Variants in HELZ2 observed in about 807,000 individuals in gnomAD.
HELZ2 encodes the protein 3'-5' exoribonuclease HELZ2.
Under a neutral mutation model 208.8 loss-of-function variants are expected in HELZ2, and 143 were observed. The observed-to-expected ratio is 0.68, with a 90% confidence interval of 0.60 to 0.79. HELZ2 has a LOEUF of 0.79. Ranked by LOEUF, HELZ2 falls within the 30% of genes least tolerant of loss-of-function variation. HELZ2 has a pLI of 0.00. For missense variants in HELZ2, 3,690 were observed against 3,794.5 expected, an observed-to-expected ratio of 0.97 and a Z score of 0.72; for synonymous variants, 1,705 against 1,693.7, an observed-to-expected ratio of 1.01 and a Z score of -0.16.
exon 6 of HELZ2, chr20:63,567,251 G>C (rs1430518207): frequency 6.2e-7 from 1 of 1,608,604 alleles, no homozygotes; most frequent in Admixed American, 1.7e-5. Context: ...ACACTGAACA[G>C]CCGGGGTGTG....
exon 8 of HELZ2, chr20:63,565,652 G>A: frequency 6.2e-7 from 1 of 1,610,420 alleles, no homozygotes; most frequent in South Asian, 1.1e-5. Flanking sequence ...GTCAGCCTCT[G>A]CATCCTCAGC....
chr20:63,562,164 ATGT>A, exon 10 of HELZ2: 2 of 1,593,188 alleles, frequency 1.3e-6, no homozygotes, highest in Non-Finnish European at 8.6e-7. Flanking sequence ...GCCTCCGGGG[ATGT>A]TGTAGGTCTG....
exon 17 of HELZ2, chr20:63,560,211 G>A (rs946086545): frequency 1.3e-6 from 2 of 1,554,368 alleles, no homozygotes; most frequent in Non-Finnish European, 1.7e-6. Context: ...CCCCGGCGAT[G>A]CCCTCTCGCC....
At chr20:63,568,411 C>T in exon 5 of HELZ2, 2 of 1,609,608 alleles carry the variant, frequency 1.2e-6, no homozygotes, top group Non-Finnish European at 1.7e-6. Flanking sequence ...GGATGACCTC[C>T]AGGGAGGCCA....
chr20:63,572,081 C>G (rs755838025), intron 1 of HELZ2, 27 bp downstream of exon 2: 1 of 1,582,222 alleles, frequency 6.3e-7, no homozygotes, highest in Non-Finnish European at 8.6e-7. Flanking sequence ...CTGCCCTACT[C>G]CAAGCTCCTG....
At chr20:63,561,269 T>C in exon 14 of HELZ2, 2 of 1,612,650 alleles carry the variant, frequency 1.2e-6, no homozygotes, top group Non-Finnish European at 1.7e-6. Flanking sequence ...CAAGACCTTC[T>C]TGTACCTGCC....
At chr20:63,559,335 G>T (rs201141635) in exon 19 of HELZ2, 2 of 1,602,642 alleles carry the variant, frequency 1.2e-6, no homozygotes, top group South Asian at 1.1e-5. Flanking sequence ...AGGAGGCTAC[G>T]CCAGAGGGGG....
exon 8 of HELZ2, chr20:63,566,057 C>T: frequency 1.3e-6 from 2 of 1,589,092 alleles, no homozygotes; most frequent in Non-Finnish European, 8.5e-7. Flanking sequence ...GCCGCAGGCC[C>T]CGAAGGAGCA....
At chr20:63,570,862 G>A (rs2083009809) in exon 2 of HELZ2, 1 of 1,589,720 alleles carries the variant, frequency 6.3e-7, no homozygotes, top group Non-Finnish European at 8.6e-7. Context: ...ACTCACAGAG[G>A]TCAGGCCTGG....
At chr20:63,570,464 C>T (rs1478514593) in intron 3 of HELZ2, 40 bp downstream of exon 4, 32 of 1,561,196 alleles carry the variant, frequency 2.0e-5, no homozygotes, top group African/African-American at 4.1e-5. Flanking sequence ...ACCACTTCCC[C>T]AGGGCTCCCT....
chr20:63,574,003 C>T (rs1437257196), upstream of HELZ2, among the ~76,000 whole-genome samples: 2 of 152,188 alleles, frequency 1.3e-5, no homozygotes, highest in Admixed American at 1.3e-4. Context: ...CCTGGACGGG[C>T]TGCACTGCCC....
rs1249146932 is a variant in HELZ2 at position 63,570,179 on chromosome 20, C to T, written c.570+325G>A. 3 of 488,478 alleles carry T rather than the reference C, an allele frequency of 6.1e-6. No homozygotes were observed. The Admixed American group carries it at 7.0e-5, about 11-fold the overall frequency. The allele number at this position is 488,478 out of a possible 1,614,324, so 30.3% of individuals were successfully genotyped here. ...TTCACCCTATTGGCCAGGCTGATCT[C>T]GAACTCCCGACCTCAGGTGATCCAC... On this transcript the variant is annotated intron_variant, in intron 3 of 18. Transcript: ENST00000467148.
At chr20:63,565,267 C>T (rs1335648694) in exon 8 of HELZ2, 2 of 1,605,534 alleles carry the variant, frequency 1.2e-6, no homozygotes. Context: ...CCCGAAGCCG[C>T]CCCTCGGGCG....
chr20:63,563,761 G>T, exon 8 of HELZ2: 5 of 1,602,618 alleles, frequency 3.1e-6, no homozygotes, highest in Non-Finnish European at 4.2e-6. Context: ...GCGCCAGCAG[G>T]ATCTGCCGCT....
At chr20:63,568,107 T>C (rs2146020044) in intron 5 of HELZ2, 3 of 573,316 alleles carry the variant, frequency 5.2e-6, no homozygotes, top group East Asian at 5.9e-5. Context: ...GGGTGGGCCA[T>C]GCTGCAGCCT....
In HELZ2 at chr20:63,566,455, T is replaced by C; in HGVS notation, c.2515-2A>G. The C allele has an allele frequency of 6.5e-7, 1 of 1,547,996 alleles. No individual in the cohort carries two copies. Among genetic ancestry groups the C allele is most frequent in the Non-Finnish European group, 8.7e-7 (1 of 1,146,610 alleles). On this transcript the variant is annotated splice_acceptor_variant, in intron 6 of 18. Transcript: ENST00000467148. LOFTEE classifies it high-confidence loss of function. ...CAGCTCCTGCCTCAGTGCACTGACC[T>C]GAAGACGCAGCAGGGCCGGGGATGA... is the stretch of plus-strand genomic sequence containing the variant.
intron 5 of HELZ2, 158 bp downstream of exon 6, chr20:63,568,200 G>C: frequency 1.5e-6 from 1 of 647,614 alleles, no homozygotes; most frequent in South Asian, 1.9e-5. Context: ...CACCCTCGGT[G>C]CCCTGAGCTG....
exon 8 of HELZ2, chr20:63,564,293 G>A (rs374225684): frequency 3.9e-5 from 63 of 1,607,728 alleles, no homozygotes; most frequent in East Asian, 8.9e-5. Flanking sequence ...GTCCTCGTCC[G>A]GCTGCTCATA....
rs1483009474 is a variant in HELZ2 at position 63,568,330 on chromosome 20, G to A, written c.1730+28C>T. 9 of 1,552,494 alleles carry A rather than the reference G, an allele frequency of 5.8e-6. No individual in the cohort carries two copies. The South Asian group carries it at 1.0e-4, about 17-fold the overall frequency. The stretch of plus-strand genomic sequence containing the variant: ...TAGACTTGGGCCGGGCGTCAGGTGA[G>A]GTGGGGGCAGGCCAGGCTCGGGCTT... On this transcript the variant is annotated intron_variant, in intron 5 of 18. Transcript: ENST00000467148.
Sources: gnomAD v4.1 joint callset for allele counts (sites outside exome capture counted in the v4.1 genomes callset) on GRCh38, gnomAD v4.1.1 for gene constraint, MANE v1.5 for transcripts, NCBI Gene and HGNC (gene_info 2026-07-23, HGNC 2026-07-21) for gene names.